The following SLC39A11 variants were observed in gnomAD, a reference collection of about 807,000 sequenced individuals.
SLC39A11 encodes zinc transporter ZIP11.
Under a neutral mutation model 36.1 loss-of-function variants are expected in SLC39A11, and 33 were observed. The ratio of observed to expected loss-of-function variants is 0.91; its 90% CI spans 0.69 to 1.22. The LOEUF (loss-of-function observed/expected upper bound fraction) is 1.22, where lower values mean the gene tolerates loss of function less well. Ranked by LOEUF, SLC39A11 falls within the 50% of genes most tolerant of loss-of-function variation. The pLI, the probability that SLC39A11 is intolerant of heterozygous loss-of-function variation, is 0.00. For synonymous variants in SLC39A11, 166 were observed against 170.3 expected (o/e 0.97, Z 0.20); for missense variants, 432 against 430.3 (o/e 1.00, Z -0.03).
chr17:73,010,903 G>A (rs1413343591), intron 4 of SLC39A11, among the ~76,000 whole-genome samples: 2 of 152,186 alleles, frequency 1.3e-5, no homozygotes, highest in African/African-American at 2.4e-5. Flanking sequence ...GTAAGGAAGC[G>A]TTTTCCTAAC....
intron 6 of SLC39A11, among the ~76,000 whole-genome samples, chr17:72,758,843 C>T (rs192140855): frequency 2.0e-5 from 3 of 152,286 alleles, no homozygotes; most frequent in Non-Finnish European, 2.9e-5. Flanking sequence ...ATACGCCAAC[C>T]GGAACATTCT....
intron 4 of SLC39A11, among the ~76,000 whole-genome samples, chr17:73,012,222 G>A (rs537593497): frequency 4.4e-4 from 67 of 152,036 alleles, no homozygotes; most frequent in African/African-American, 1.6e-3. Flanking sequence ...GTTGCAGTGA[G>A]CCAAGATCAT....
At chr17:72,952,401 G>A (rs1454035434) in intron 4 of SLC39A11, among the ~76,000 whole-genome samples, 2 of 152,142 alleles carry the variant, frequency 1.3e-5, no homozygotes, top group Admixed American at 6.5e-5. Flanking sequence ...CTGGCGGTGG[G>A]GGAAAGTCAG....
At chr17:72,796,021 C>T (rs2076884114) in intron 6 of SLC39A11, among the ~76,000 whole-genome samples, 1 of 152,034 alleles carries the variant, frequency 6.6e-6, no homozygotes, top group Non-Finnish European at 1.5e-5. Flanking sequence ...GTCAAAATTG[C>T]AAGAATTTTT....
At position 72,649,234 on chromosome 17, in the gene SLC39A11, G is replaced by A. The variant is rs763797008; in HGVS notation, c.706C>T (p.Pro236Ser). Reference protein sequence around the residue: ...LAIGIGIQNFPEGLAVSLPLR... With the variant: ...LAIGIGIQNFSEGLAVSLPLR... ...GGAAGGCTGACAGCCAGGCCCTCGG[G>A]GAAATTCTGGATCCCGATTCCAATG... is the stretch of plus-strand genomic sequence containing the variant. Residue 236 changes from proline (P) to serine (S), a missense_variant, in exon 8 of 10, where the codon CCC (proline) becomes TCC (serine). Coordinates refer to ENST00000255559, the MANE Select transcript of SLC39A11 (RefSeq NM_139177.4). The A allele has an allele frequency of 1.2e-6, 2 of 1,614,080 alleles. No homozygotes were observed. The highest frequency in any genetic ancestry group is 1.3e-5 in the African/African-American group (1 of 74,944).
At chr17:72,851,253 T>A (rs1035632564) in intron 5 of SLC39A11, among the ~76,000 whole-genome samples, 14 of 152,204 alleles carry the variant, frequency 9.2e-5, no homozygotes, top group African/African-American at 3.4e-4. Flanking sequence ...TAGAACCTTA[T>A]TCTAAATATC....
chr17:73,073,299 C>T (rs72631364), intron 3 of SLC39A11, among the ~76,000 whole-genome samples: 25,103 of 152,224 alleles, frequency 0.16, 2,892 homozygotes, highest in East Asian at 0.61. Flanking sequence ...GGAAGCAACA[C>T]GTCAGAAGGC....
rs570936081 is a variant in SLC39A11 at position 72,897,981 on chromosome 17, C to T, written c.431-48177G>A. ...GCTGGGGGAACAGGATCCACAGAAA[C>T]GTAGGAGAGTCTGGAAAAACCCCAG... is the stretch of plus-strand genomic sequence containing the variant. On this transcript the variant is annotated intron_variant, in intron 5 of 9. Transcript: ENST00000255559. 4.6e-5 allele frequency among the ~76,000 whole-genome samples: 7 copies of T among 151,990 alleles called. No homozygotes were observed. The South Asian group carries it at 6.2e-4, about 14-fold the overall frequency.
intron 6 of SLC39A11, among the ~76,000 whole-genome samples, chr17:72,810,789 G>A (rs775039063): frequency 9.2e-5 from 14 of 151,914 alleles, no homozygotes; most frequent in South Asian, 2.1e-4. Context: ...AGTTTCAAGC[G>A]ATTCTCCTGC....
rs1362884021 is a variant in SLC39A11, at chr17:72,798,605, G to A, written c.601+51029C>T. On this transcript the variant is annotated intron_variant, in intron 6 of 9. Coordinates refer to ENST00000255559, the MANE Select transcript of SLC39A11 (RefSeq NM_139177.4). ...TCACCACGTTGGTCAGGCTGGTCTC[G>A]AAATTCTGACCTCAGGTGATCCACC... is the stretch of plus-strand genomic sequence containing the variant. Among the ~76,000 whole-genome samples, 4 of 151,774 alleles carry A rather than the reference G, an allele frequency of 2.6e-5. No individual in the cohort carries two copies. In the South Asian group the frequency reaches 6.3e-4, roughly 24 times the overall value.
At chr17:72,962,756 C>T (rs946384940) in intron 4 of SLC39A11, among the ~76,000 whole-genome samples, 12 of 152,272 alleles carry the variant, frequency 7.9e-5, no homozygotes, top group Non-Finnish European at 7.4e-5. Flanking sequence ...AGGCCGGTCT[C>T]GAACTCCTGC....
chr17:73,058,521 G>A (rs1330351168), intron 3 of SLC39A11, among the ~76,000 whole-genome samples: 2 of 152,092 alleles, frequency 1.3e-5, no homozygotes, highest in Non-Finnish European at 2.9e-5. Flanking sequence ...TCAGGAGTTT[G>A]AGACCAGCCT....
chr17:72,666,768 A>G (rs1000537567), intron 7 of SLC39A11, among the ~76,000 whole-genome samples: 3 of 152,240 alleles, frequency 2.0e-5, no homozygotes, highest in African/African-American at 7.2e-5. Flanking sequence ...ATTTGCATGC[A>G]GTTAGAACAT....
chr17:73,075,961 T>C lies in SLC39A11; in HGVS notation c.147+8847A>G, dbSNP rs2060305743. Among the ~76,000 whole-genome samples, 4 of 152,316 alleles carry C rather than the reference T, an allele frequency of 2.6e-5. No homozygotes were observed. In the South Asian group the frequency reaches 8.3e-4, roughly 32 times the overall value. On this transcript the variant is annotated intron_variant, in intron 3 of 9. Transcript: ENST00000255559. The stretch of plus-strand genomic sequence containing the variant: ...ACTGGTATATACCTCAAAGAGTCAT[T>C]CTTATAAAATTAAATTAGTTGATCT...
chr17:72,902,720 C>T (rs913192677), intron 5 of SLC39A11, among the ~76,000 whole-genome samples: 2 of 152,146 alleles, frequency 1.3e-5, no homozygotes, highest in African/African-American at 4.8e-5. Flanking sequence ...ATAGGCTTAA[C>T]ATGCAGCTGG....
chr17:72,897,653 A>G (rs1383153529), intron 5 of SLC39A11, among the ~76,000 whole-genome samples: 1 of 152,226 alleles, frequency 6.6e-6, no homozygotes, highest in African/African-American at 2.4e-5. Flanking sequence ...TCAGCATCTC[A>G]TAAGCGACAG....
intron 4 of SLC39A11, among the ~76,000 whole-genome samples, chr17:72,957,801 A>G (rs1373735381): frequency 6.9e-6 from 1 of 145,256 alleles, no homozygotes; most frequent in East Asian, 2.1e-4. Context: ...CCTGGGCGAC[A>G]AAGGGAGACC....
At chr17:72,940,403 G>A (rs530403751) in intron 5 of SLC39A11, among the ~76,000 whole-genome samples, 13 of 152,038 alleles carry the variant, frequency 8.6e-5, no homozygotes, top group South Asian at 2.1e-4. Context: ...AGCCTCCCAC[G>A]TAGCTGGGAT....
chr17:73,051,230 TTGTC>T (rs2059488133), intron 3 of SLC39A11, among the ~76,000 whole-genome samples: 1 of 152,188 alleles, frequency 6.6e-6, no homozygotes, highest in African/African-American at 2.4e-5. Context: ...ACCTGTCTGT[TTGTC>T]TGTGTCCCTC....
Sources: allele counts gnomAD v4.1 joint callset (sites outside exome capture counted in the v4.1 genomes callset), GRCh38; gene constraint gnomAD v4.1.1; transcripts MANE v1.5; gene names NCBI Gene and HGNC (gene_info 2026-07-23, HGNC 2026-07-21).